Variants in MGAM observed in about 807,000 individuals in gnomAD.
The protein encoded by MGAM is maltase-glucoamylase.
MGAM carries 253 observed loss-of-function variants against 358.8 expected under a neutral mutation model. That is an observed-to-expected ratio of 0.71 (90% CI 0.64 to 0.78). The LOEUF is 0.78. Ranked by LOEUF, MGAM falls within the 30% of genes least tolerant of loss-of-function variation. The pLI is 0.00. For synonymous variants in MGAM, 1,105 were observed against 1,227.1 expected, an observed-to-expected ratio of 0.90 and a Z score of 2.08; for missense variants, 3,080 against 3,432.6, an observed-to-expected ratio of 0.90 and a Z score of 2.57.
intron 12 of MGAM, 65 bp downstream of exon 12, chr7:142,030,822 G>C (rs1051200741): frequency 1.5e-4 from 88 of 569,998 alleles, no homozygotes; most frequent in African/African-American, 1.4e-3. Context: ...ATGTGTCTGT[G>C]TGTGTGTGTG....
chr7:142,079,242 C>T (rs112547850), intron 49 of MGAM, among the ~76,000 whole-genome samples: 1,617 of 145,350 alleles, frequency 0.011, 157 homozygotes, highest in South Asian at 0.1. Context: ...AGAGTGGGTA[C>T]GGAGAGACAA....
At chr7:142,076,625 C>T (rs757809768) in intron 46 of MGAM, 34 bp from the exon 47 acceptor site, 2 of 1,463,554 alleles carry the variant, frequency 1.4e-6, no homozygotes, top group East Asian at 2.3e-5. Context: ...TACAGGCATA[C>T]CTTTATGCAT....
In MGAM at chr7:142,003,850, A is replaced by C. The variant is rs889741633; in HGVS notation, c.-2-1679A>C. Among the ~76,000 whole-genome samples, 12 of 152,048 alleles carry C rather than the reference A, an allele frequency of 7.9e-5. No homozygotes were observed. In the South Asian group the frequency reaches 2.3e-3, roughly 29 times the overall value. Reference sequence around the variant, plus strand: ...TATAAGGAACTCAACAGGAAAAAAAACACATAACCCCATTAAAAAGTGGGC... The same window carrying C: ...TATAAGGAACTCAACAGGAAAAAAACCACATAACCCCATTAAAAAGTGGGC... On this transcript the variant is annotated intron_variant, in intron 1 of 70. Coordinates refer to ENST00000475668, the MANE Select transcript of MGAM (RefSeq NM_001365693.1).
At chr7:142,045,363 T>C (rs1203972118) in intron 21 of MGAM, among the ~76,000 whole-genome samples, 5 of 98,128 alleles carry the variant, frequency 5.1e-5, no homozygotes, top group Admixed American at 3.0e-4. Flanking sequence ...ATACATGATA[T>C]ATAATATATA....
At chr7:142,033,737 T>G (rs1753638794) in intron 14 of MGAM, among the ~76,000 whole-genome samples, 1 of 152,026 alleles carries the variant, frequency 6.6e-6, no homozygotes, top group African/African-American at 2.4e-5. Flanking sequence ...GAACTAGAAA[T>G]AGATACATAG....
chr7:142,032,976 G>A, intron 14 of MGAM, 67 bp downstream of exon 14: 2 of 1,106,038 alleles, frequency 1.8e-6, no homozygotes, highest in Non-Finnish European at 2.6e-6. Flanking sequence ...CATAAGGACA[G>A]ATCTGAAAAA....
intron 60 of MGAM, 107 bp from the exon 61 acceptor site, chr7:142,094,257 A>C: frequency 7.6e-7 from 1 of 1,319,014 alleles, no homozygotes; most frequent in Non-Finnish European, 1.0e-6. Flanking sequence ...GTTCCCTCCA[A>C]TCACGCAGCA....
At chr7:142,005,173 AT>A (rs753816869) in intron 1 of MGAM, among the ~76,000 whole-genome samples, 16 of 151,726 alleles carry the variant, frequency 1.1e-4, no homozygotes, top group Non-Finnish European at 1.8e-4. Flanking sequence ...AATGAAAGAA[AT>A]TTTAAAATTC....
intron 4 of MGAM, among the ~76,000 whole-genome samples, chr7:142,019,928 G>A (rs1554457839): frequency 6.6e-6 from 1 of 152,178 alleles, no homozygotes; most frequent in Non-Finnish European, 1.5e-5. Context: ...AATTAGCCAG[G>A]TGTAGTGGCA....
At chr7:142,104,774 AT>A (rs1179547387) in intron 70 of MGAM, among the ~76,000 whole-genome samples, 1 of 152,184 alleles carries the variant, frequency 6.6e-6, no homozygotes, top group African/African-American at 2.4e-5. Context: ...TGAATGTTAA[AT>A]ATGTGAAAAA....
intron 70 of MGAM, 111 bp downstream of exon 70, chr7:142,103,550 A>G: frequency 9.2e-7 from 1 of 1,092,848 alleles, no homozygotes. Context: ...GCCCTCCGGG[A>G]ATCCCTGAGT....
chr7:142,068,693 AT>A lies in MGAM; in HGVS notation c.5053del (p.Tyr1685ThrfsTer40). 1 of 1,528,046 alleles carries A rather than the reference AT, an allele frequency of 6.5e-7. No homozygotes were observed. 94.7% of individuals were successfully genotyped at this position (1,528,046 alleles called of 1,614,324 possible). A position where few individuals can be genotyped will look rare whatever the true frequency, so the allele number is the denominator to read the frequency against. ...TATTTCCCTAGAGCCCGTTGGTACG[AT>A]TACTACACGGTAAGTTTTTCTGAAT... is the stretch of plus-strand genomic sequence containing the variant. ...TAYFPRARWY[D>X]YYTGVDINAR... is the part of the protein sequence containing the mutation. On this transcript the variant is annotated frameshift_variant, in exon 43 of 71. Transcript: ENST00000475668. LOFTEE classifies it high-confidence loss of function.
Position 142,092,601 on chromosome 7 carries a change from C to T in MGAM, c.7026C>T (p.Tyr2342=). Residue 2342 remains tyrosine (Y), a synonymous_variant, in exon 59 of 71, where the codon TAC becomes TAT. Coordinates refer to ENST00000475668, the MANE Select transcript of MGAM (RefSeq NM_001365693.1). Reference sequence around the variant, plus strand: ...ATGCCTCTCTGAACCACCCTCCCTACATGCCGTGTAAGAATCCTTGGCCTT... The same window carrying T: ...ATGCCTCTCTGAACCACCCTCCCTATATGCCGTGTAAGAATCCTTGGCCTT... The part of the protein sequence containing the change: ...CRDASLNHPP[Y]MPYLESRDRG... 5 of 1,538,238 alleles carry T rather than the reference C, an allele frequency of 3.3e-6. No individual in the cohort carries two copies. Among genetic ancestry groups the T allele is most frequent in the Admixed American group, 1.8e-5 (1 of 56,406 alleles).
rs1165985968 is a variant in MGAM, at chr7:142,083,445, T to C, written c.6381+32T>C. 4 of 1,437,802 alleles carry C rather than the reference T, an allele frequency of 2.8e-6. No individual in the cohort carries two copies. In the East Asian group the frequency reaches 9.4e-5, roughly 34 times the overall value. The allele number at this position is 1,437,802 out of a possible 1,614,324, so 89.1% of individuals were successfully genotyped here. On this transcript the variant is annotated intron_variant, in intron 53 of 70. Transcript: ENST00000475668. ...AGAAATCCAATTGTTTATCAAGTAC[T>C]TATATAGCACATTCTGGGTGCCAGA...
intron 66 of MGAM, among the ~76,000 whole-genome samples, chr7:142,099,229 C>A (rs1436065172): frequency 6.6e-6 from 1 of 152,104 alleles, no homozygotes; most frequent in Non-Finnish European, 1.5e-5. Flanking sequence ...ACAGGATAGC[C>A]CCATCGCCAG....
In MGAM at chr7:142,044,659, A is replaced by G. The variant is rs574368003; in HGVS notation, c.2499-3126A>G. ...ACGTGTAATATATGATATATAATGT[A>G]TATTATATACACGTGTAATATATGA... is the stretch of plus-strand genomic sequence containing the variant. On this transcript the variant is annotated intron_variant, in intron 21 of 70. Transcript: ENST00000475668. Among the ~76,000 whole-genome samples the G allele has an allele frequency of 1.8e-4, 14 of 77,540 alleles. 1 individual carries two copies. Among genetic ancestry groups the G allele is most frequent in the African/African-American group, 5.6e-4 (14 of 24,836 alleles). 50.9% of individuals were successfully genotyped at this position (77,540 alleles called of 152,430 possible).
intron 26 of MGAM, among the ~76,000 whole-genome samples, chr7:142,053,693 C>A (rs76267620): frequency 0.057 from 8,668 of 152,130 alleles, 374 homozygotes; most frequent in African/African-American, 0.12. Context: ...CAGAGCCTGG[C>A]CGATAGTGCT....
At chr7:142,102,542 A>G (rs1043668380) in intron 68 of MGAM, 88 bp from the exon 69 acceptor site, 1 of 1,220,622 alleles carries the variant, frequency 8.2e-7, no homozygotes. Context: ...CAAGACAAGT[A>G]GGCAATTAGA....
intron 50 of MGAM, 62 bp downstream of exon 50, chr7:142,081,007 T>C: frequency 1.5e-6 from 2 of 1,373,114 alleles, no homozygotes; most frequent in East Asian, 2.4e-5. Flanking sequence ...GCCAGGTCCA[T>C]TGTCCTTGGA....
Sources: gnomAD v4.1 joint callset for allele counts (sites outside exome capture counted in the v4.1 genomes callset) on GRCh38, gnomAD v4.1.1 for gene constraint, MANE v1.5 for transcripts, NCBI Gene and HGNC (gene_info 2026-07-23, HGNC 2026-07-21) for gene names.